IFRD1: variants seen among roughly 807,000 people sequenced by gnomAD.
IFRD1 encodes interferon-related developmental regulator 1.
IFRD1 carries 35 observed loss-of-function variants against 52.9 expected under a neutral mutation model. That is an observed-to-expected ratio of 0.66 (90% confidence interval 0.51 to 0.88). The LOEUF (loss-of-function observed/expected upper bound fraction) is 0.88, where lower values mean the gene tolerates loss of function less well. Ranked by LOEUF, IFRD1 falls within the 40% of genes least tolerant of loss-of-function variation. IFRD1 has a pLI of 0.00. For synonymous variants in IFRD1, 184 were observed against 188.4 expected, an observed-to-expected ratio of 0.98 and a Z score of 0.19; for missense variants, 517 against 550.8, an observed-to-expected ratio of 0.94 and a Z score of 0.61.
chr7:112,432,512 G>A (rs1367677265), intron 1 of IFRD1, among the ~76,000 whole-genome samples: 5 of 152,196 alleles, frequency 3.3e-5, no homozygotes, highest in Non-Finnish European at 7.3e-5. Context: ...CAAAGAACAT[G>A]CTAAGCACCA....
At chr7:112,434,181 A>G (rs957791184) in intron 1 of IFRD1, among the ~76,000 whole-genome samples, 1 of 152,136 alleles carries the variant, frequency 6.6e-6, no homozygotes, top group Non-Finnish European at 1.5e-5. Flanking sequence ...TTTAATTAGT[A>G]AAAGTATTGA....
intron 1 of IFRD1, among the ~76,000 whole-genome samples, chr7:112,441,520 G>A (rs1398480319): frequency 6.6e-6 from 1 of 152,080 alleles, no homozygotes; most frequent in Non-Finnish European, 1.5e-5. Flanking sequence ...CTGCCTACCT[G>A]GAAGTGGAAG....
intron 1 of IFRD1, among the ~76,000 whole-genome samples, chr7:112,444,028 A>G (rs1185874934): frequency 6.6e-6 from 1 of 152,226 alleles, no homozygotes; most frequent in Non-Finnish European, 1.5e-5. Context: ...GGAAAAGTCC[A>G]CTGATATTCT....
At chr7:112,467,619 T>G (rs531118868) in intron 8 of IFRD1, 1 of 247,498 alleles carries the variant, frequency 4.0e-6, no homozygotes, top group African/African-American at 2.3e-5. Context: ...GAATGTTTGG[T>G]TTGGGGACTG....
chr7:112,453,831 A>G (rs1449824852), intron 1 of IFRD1, among the ~76,000 whole-genome samples: 1 of 152,206 alleles, frequency 6.6e-6, no homozygotes, highest in Non-Finnish European at 1.5e-5. Context: ...AAAATCTGCT[A>G]AATTCTCTGT....
At chr7:112,467,208 G>T (rs1258728477) in intron 8 of IFRD1, among the ~76,000 whole-genome samples, 1 of 152,190 alleles carries the variant, frequency 6.6e-6, no homozygotes, top group African/African-American at 2.4e-5. Context: ...TGTTAAACAT[G>T]TATGAATAAA....
rs575706199 is a variant in IFRD1 at position 112,461,685 on chromosome 7, G to A, written c.568-181G>A. ...TTAGTAGCAGAGCTTGAGCTGAAAC[G>A]CACTTCCTTTGATCTTAGTTCAATA... On this transcript the variant is annotated intron_variant, in intron 5 of 11. Coordinates refer to ENST00000403825, the MANE Select transcript of IFRD1 (RefSeq NM_001550.4). The A allele has an allele frequency of 3.4e-5, 13 of 378,098 alleles. No individual in the cohort carries two copies. In the South Asian group the frequency reaches 4.4e-4, roughly 13 times the overall value. The allele number at this position is 378,098 out of a possible 1,614,324, so 23.4% of individuals were successfully genotyped here. A position where few individuals can be genotyped will look rare whatever the true frequency, so the allele number is the denominator to read the frequency against.
At chr7:112,461,835 A>T (rs745901563) in intron 5 of IFRD1, 31 bp from the exon 6 acceptor site, 1 of 1,142,490 alleles carries the variant, frequency 8.8e-7, no homozygotes, top group Non-Finnish European at 1.3e-6. Flanking sequence ...TAAAATCATT[A>T]ATGTCTATAT....
chr7:112,438,078 TGAA>T (rs1370730644), intron 1 of IFRD1, among the ~76,000 whole-genome samples: 2 of 152,132 alleles, frequency 1.3e-5, no homozygotes, highest in Non-Finnish European at 2.9e-5. Flanking sequence ...GGATAGTAAA[TGAA>T]GAAGACAGTG....
chr7:112,473,257 G>A (rs1202857396), intron 11 of IFRD1, among the ~76,000 whole-genome samples: 2 of 151,912 alleles, frequency 1.3e-5, no homozygotes, highest in Admixed American at 6.6e-5. Flanking sequence ...TAGGAACGGT[G>A]TTCATTATTT....
At chr7:112,459,710 A>G (rs912972093) in intron 5 of IFRD1, among the ~76,000 whole-genome samples, 4 of 152,126 alleles carry the variant, frequency 2.6e-5, no homozygotes, top group South Asian at 4.1e-4. Flanking sequence ...TCACCACCCA[A>G]TGTAAATTGG....
At chr7:112,462,891 A>T (rs1012766131) in intron 8 of IFRD1, among the ~76,000 whole-genome samples, 3 of 152,170 alleles carry the variant, frequency 2.0e-5, no homozygotes, top group Non-Finnish European at 4.4e-5. Flanking sequence ...CACAGATGTT[A>T]GTTACCATGG....
rs182330551 is a variant in IFRD1, at chr7:112,475,159, C to T, written c.1267-271C>T. Among the ~76,000 whole-genome samples the T allele has an allele frequency of 7.0e-3, 1,069 of 152,102 alleles. 7 individuals carry two copies. Among genetic ancestry groups the T allele is most frequent in the Non-Finnish European group, 0.013 (855 of 67,968 alleles). ...ATTTTTAGTAGAGACGGGATTTCACCGTGTTAGCCAGGATGGTCTCAATCT... is the reference window on the plus strand; with the variant it reads ...ATTTTTAGTAGAGACGGGATTTCACTGTGTTAGCCAGGATGGTCTCAATCT... On this transcript the variant is annotated intron_variant, in intron 11 of 11. Transcript: ENST00000403825.
chr7:112,461,509 CAT>C (rs1413117667), intron 5 of IFRD1: 1 of 165,526 alleles, frequency 6.0e-6, no homozygotes, highest in Admixed American at 6.3e-5. Context: ...GACATAGACT[CAT>C]AAAAATGATT....
intron 5 of IFRD1, chr7:112,461,289 A>G (rs1034011107): frequency 6.6e-6 from 1 of 152,236 alleles, no homozygotes; most frequent in Admixed American, 6.5e-5. Context: ...GAGTCTTCAT[A>G]AGAACAAAAG....
chr7:112,445,737 T>C (rs753180211), upstream of IFRD1, among the ~76,000 whole-genome samples: 1 of 152,214 alleles, frequency 6.6e-6, no homozygotes. Context: ...TTCCAGCCCA[T>C]AAACACTCAT....
chr7:112,448,513 T>A (rs933099932), upstream of IFRD1, among the ~76,000 whole-genome samples: 5 of 152,220 alleles, frequency 3.3e-5, no homozygotes, highest in Non-Finnish European at 5.9e-5. Flanking sequence ...AGACATCTCA[T>A]TCTGTATAGG....
intron 8 of IFRD1, among the ~76,000 whole-genome samples, chr7:112,464,138 A>T (rs1795549541): frequency 6.6e-6 from 1 of 151,558 alleles, no homozygotes; most frequent in Non-Finnish European, 1.5e-5. Flanking sequence ...AGTGAAATAC[A>T]TAGACAGATT....
chr7:112,464,018 A>ACCT (rs1030100748), intron 8 of IFRD1, among the ~76,000 whole-genome samples: 1 of 149,026 alleles, frequency 6.7e-6, no homozygotes, highest in African/African-American at 2.5e-5. Context: ...ACAAAACAGA[A>ACCT]CCTAGTGTTT....
Sources: gnomAD v4.1 joint callset for allele counts (sites outside exome capture counted in the v4.1 genomes callset) on GRCh38, gnomAD v4.1.1 for gene constraint, MANE v1.5 for transcripts, NCBI Gene and HGNC (gene_info 2026-07-23, HGNC 2026-07-21) for gene names.